The following PARP4 variants were observed in gnomAD, a reference collection of about 807,000 sequenced individuals.
The protein encoded by PARP4 is poly(ADP-ribose) polymerase family member 4.
Under a neutral mutation model 187.7 loss-of-function variants are expected in PARP4, and 120 were observed. That is an observed-to-expected ratio of 0.64 (90% CI 0.55 to 0.74). PARP4 has a LOEUF of 0.74. Ranked by LOEUF, PARP4 falls within the 30% of genes least tolerant of loss-of-function variation. PARP4 has a pLI of 0.00. For missense variants in PARP4, 1,836 were observed against 2,070.5 expected (o/e 0.89, Z 2.20); for synonymous variants, 654 against 740.9 (o/e 0.88, Z 1.90).
At chr13:24,469,758 T>C (rs113507738) in intron 16 of PARP4, 136 bp downstream of exon 16, 10,707 of 927,136 alleles carry the variant, frequency 0.012, 165 homozygotes, top group African/African-American at 0.068. Context: ...GAACTGATTC[T>C]TCAAAGAATA....
At chr13:24,494,504 T>C (rs1458073890) in intron 7 of PARP4, 69 bp downstream of exon 7, 4 of 1,399,964 alleles carry the variant, frequency 2.9e-6, no homozygotes, top group African/African-American at 1.5e-5. Context: ...AGTCTTTTAT[T>C]TGTAATAGAG....
At chr13:24,502,677 T>C (rs1226725394) in intron 2 of PARP4, among the ~76,000 whole-genome samples, 1 of 152,254 alleles carries the variant, frequency 6.6e-6, no homozygotes, top group Non-Finnish European at 1.5e-5. Context: ...TCACAGTATG[T>C]GACTTTCTAA....
rs763409042 is a variant in PARP4, at chr13:24,486,284, C to A, written c.1236G>T (p.Leu412Phe). The A allele has an allele frequency of 8.7e-6, 14 of 1,602,248 alleles. No homozygotes were observed. Among genetic ancestry groups the A allele is most frequent in the Non-Finnish European group, 5.1e-6 (6 of 1,169,770 alleles). ...NHHSKSPVDV[L>F]QIFRVGRVNE... is the part of the protein sequence containing the mutation. ...TCACTCTGCCAACTCTAAATATCTGCAAGACATCCACTGGGCTCTTACTGT... is the reference window on the plus strand; with the variant it reads ...TCACTCTGCCAACTCTAAATATCTGAAAGACATCCACTGGGCTCTTACTGT... The change falls in exon 11 of 34, where the codon TTG becomes TTT. Residue 412 changes from leucine (L) to phenylalanine (F), a missense_variant. Transcript: ENST00000381989.
intron 23 of PARP4, 117 bp downstream of exon 23, chr13:24,453,470 C>T (rs1463711817): frequency 1.8e-6 from 1 of 559,254 alleles, no homozygotes; most frequent in South Asian, 3.0e-5. Context: ...CACCAATATA[C>T]AAAAACCACA....
intron 21 of PARP4, 72 bp downstream of exon 21, chr13:24,456,269 G>A: frequency 1.7e-6 from 2 of 1,202,190 alleles, no homozygotes; most frequent in Non-Finnish European, 2.3e-6. Flanking sequence ...TCAATAATTT[G>A]CAAGTTTAAC....
At chr13:24,479,430 C>G (rs970864195) in intron 12 of PARP4, among the ~76,000 whole-genome samples, 5 of 152,320 alleles carry the variant, frequency 3.3e-5, no homozygotes, top group African/African-American at 9.6e-5. Context: ...AAAGGGGGCC[C>G]AGCTGGGCTC....
At chr13:24,472,211 A>G (rs1186853896) in intron 15 of PARP4, among the ~76,000 whole-genome samples, 1 of 152,174 alleles carries the variant, frequency 6.6e-6, no homozygotes, top group Non-Finnish European at 1.5e-5. Flanking sequence ...TGCATGTGGA[A>G]AACTCGGCTG....
chr13:24,436,054 A>G (rs1009459451), intron 30 of PARP4, among the ~76,000 whole-genome samples: 12 of 152,174 alleles, frequency 7.9e-5, no homozygotes, highest in African/African-American at 2.7e-4. Context: ...ATATTGAAAG[A>G]CCTTCTCTCT....
At chr13:24,456,681 G>A (rs572755733) in intron 20 of PARP4, among the ~76,000 whole-genome samples, 4 of 152,152 alleles carry the variant, frequency 2.6e-5, no homozygotes, top group South Asian at 2.1e-4. Flanking sequence ...TTGAGACGCC[G>A]AGGTGGGTGG....
At chr13:24,446,001 T>C (rs1418928091) in intron 27 of PARP4, among the ~76,000 whole-genome samples, 1 of 152,212 alleles carries the variant, frequency 6.6e-6, no homozygotes, top group African/African-American at 2.4e-5. Context: ...AATGGTGTAT[T>C]TGGGAAACAG....
intron 22 of PARP4, 120 bp from the exon 23 acceptor site, chr13:24,453,774 G>A: frequency 1.6e-6 from 1 of 639,948 alleles, no homozygotes; most frequent in South Asian, 1.9e-5. Context: ...ATATTTATGT[G>A]TGTACCTTTC....
intron 30 of PARP4, among the ~76,000 whole-genome samples, chr13:24,438,837 G>A (rs1429818011): frequency 1.3e-5 from 2 of 152,188 alleles, no homozygotes; most frequent in African/African-American, 4.8e-5. Context: ...CTGGATGTCC[G>A]GGCTCTATTG....
At chr13:24,439,398 G>C (rs1461315370) in intron 30 of PARP4, among the ~76,000 whole-genome samples, 1 of 151,550 alleles carries the variant, frequency 6.6e-6, no homozygotes, top group Admixed American at 6.6e-5. Flanking sequence ...GTAGACACAA[G>C]TAGACAGACA....
intron 5 of PARP4, 103 bp downstream of exon 5, chr13:24,499,198 T>A: frequency 7.7e-7 from 1 of 1,298,382 alleles, no homozygotes; most frequent in Non-Finnish European, 1.0e-6. Flanking sequence ...TATGCATAAT[T>A]TTTCAAAACA....
chr13:24,426,631 G>A (rs1196412521), intron 32 of PARP4, 33 bp from the exon 33 acceptor site: 14 of 1,593,574 alleles, frequency 8.8e-6, no homozygotes, highest in Middle Eastern at 2.2e-4. Context: ...AAGTCTGTTG[G>A]AAACTCTGCA....
chr13:24,447,164 A>G lies in PARP4; in HGVS notation c.3137T>C (p.Leu1046Pro), dbSNP rs767227400. The G allele has an allele frequency of 6.2e-7, 1 of 1,609,134 alleles. No homozygotes were observed. The highest frequency in any genetic ancestry group is 1.7e-5 in the Admixed American group (1 of 58,802). The change falls in exon 26 of 34, where the codon CTA becomes CCA. Residue 1046 changes from leucine to proline, a missense_variant. Around this residue, in one of 8 missense-constraint regions of PARP4, gnomAD observed 56 missense variants for 103.7 expected, o/e 0.54. Coordinates refer to ENST00000381989, the MANE Select transcript of PARP4 (RefSeq NM_006437.4). ...GACAGAGTGGCAACTCGGAGAACATAGCCTGGTCATTTGGTCTTCTATCTA... is the reference window on the plus strand; with the variant it reads ...GACAGAGTGGCAACTCGGAGAACATGGCCTGGTCATTTGGTCTTCTATCTA... ...RKQIEDQMTR[L>P]CSPSCHSVSV...
intron 30 of PARP4, among the ~76,000 whole-genome samples, chr13:24,441,429 T>C (rs1486474583): frequency 6.6e-6 from 1 of 152,284 alleles, no homozygotes; most frequent in Non-Finnish European, 1.5e-5. Context: ...GCCACATTTT[T>C]CCATTTCTAT....
chr13:24,431,841 A>G (rs567368520), intron 31 of PARP4, among the ~76,000 whole-genome samples: 2 of 152,366 alleles, frequency 1.3e-5, no homozygotes, highest in Admixed American at 6.5e-5. Flanking sequence ...TGAACACTAC[A>G]TATCTGGTGG....
In PARP4 at chr13:24,511,978, TAA is replaced by T. The variant is rs1428244652; in HGVS notation, c.-2+726_-2+727del. Reference sequence around the variant, plus strand: ...GACCTAATGTTTACTTAATAAATGATAAAGTCAGATGTAATGAGTCTGCAACA... The same window carrying T: ...GACCTAATGTTTACTTAATAAATGATAGTCAGATGTAATGAGTCTGCAACA... On this transcript the variant is annotated intron_variant, in intron 1 of 33. Coordinates refer to ENST00000381989, the MANE Select transcript of PARP4 (RefSeq NM_006437.4). Among the ~76,000 whole-genome samples, 3 of 152,324 alleles carry T rather than the reference TAA, an allele frequency of 2.0e-5. No individual in the cohort carries two copies. In the East Asian group the frequency reaches 5.8e-4, roughly 29 times the overall value.
Sources: gnomAD v4.1 joint callset for allele counts (sites outside exome capture counted in the v4.1 genomes callset) on GRCh38, gnomAD v4.1.1 for gene constraint, gnomAD v4.1.1 regional missense constraint, MANE v1.5 for transcripts, NCBI Gene and HGNC (gene_info 2026-07-23, HGNC 2026-07-21) for gene names.